Variants in PTPRN2 observed in about 807,000 individuals in gnomAD.
The protein encoded by PTPRN2 is receptor-type tyrosine-protein phosphatase N2.
In PTPRN2, 74 loss-of-function variants were observed where a neutral mutation model predicts 118.8. The ratio of observed to expected loss-of-function variants is 0.62; its 90% CI spans 0.52 to 0.76. The LOEUF is 0.76. Among genes scored for constraint, PTPRN2 ranks in the 30% least tolerant of loss-of-function variants. The pLI, the probability that PTPRN2 is intolerant of heterozygous loss-of-function variation, is 0.00. For synonymous variants in PTPRN2, 641 were observed against 608.0 expected, an observed-to-expected ratio of 1.05 and a Z score of -0.80; for missense variants, 1,481 against 1,394.4, an observed-to-expected ratio of 1.06 and a Z score of -0.99.
chr7:158,420,000 T>C (rs1815114542), intron 2 of PTPRN2, among the ~76,000 whole-genome samples: 2 of 152,120 alleles, frequency 1.3e-5, no homozygotes, highest in Non-Finnish European at 2.9e-5. Flanking sequence ...TGAAACTCTG[T>C]CATGTTGGCC....
chr7:157,721,217 G>A (rs539078864), intron 12 of PTPRN2, among the ~76,000 whole-genome samples: 30 of 152,212 alleles, frequency 2.0e-4, no homozygotes, highest in Non-Finnish European at 3.4e-4. Flanking sequence ...CAACGGGCAC[G>A]GTGTAGGCCC....
intron 11 of PTPRN2, among the ~76,000 whole-genome samples, chr7:158,053,863 C>CGCAGAGACTCCAGAGAT (rs1809538240): frequency 9.5e-6 from 1 of 105,122 alleles, no homozygotes; most frequent in African/African-American, 4.2e-5. Flanking sequence ...ACTCCAGAGA[C>CGCAGAGACTCCAGAGAT]GCAGAGACCC....
chr7:157,798,007 C>T (rs993864339), intron 12 of PTPRN2, among the ~76,000 whole-genome samples: 2 of 152,146 alleles, frequency 1.3e-5, no homozygotes, highest in Non-Finnish European at 2.9e-5. Context: ...GCCTGTAATC[C>T]CGGCACTTTG....
At chr7:158,163,271 A>G (rs1822532360) in intron 6 of PTPRN2, among the ~76,000 whole-genome samples, 1 of 151,956 alleles carries the variant, frequency 6.6e-6, no homozygotes, top group African/African-American at 2.4e-5. Flanking sequence ...TGACGCCTGT[A>G]CGGGGTTCTC....
intron 2 of PTPRN2, among the ~76,000 whole-genome samples, chr7:158,404,202 C>T (rs996493833): frequency 6.6e-6 from 1 of 152,224 alleles, no homozygotes; most frequent in South Asian, 2.1e-4. Flanking sequence ...TTTCACTGGA[C>T]GTCACCAGAA....
intron 12 of PTPRN2, among the ~76,000 whole-genome samples, chr7:157,820,543 C>T (rs1259086843): frequency 1.3e-5 from 2 of 151,234 alleles, no homozygotes; most frequent in Admixed American, 6.6e-5. Flanking sequence ...GACCCACACA[C>T]GTGCACACAC....
intron 12 of PTPRN2, among the ~76,000 whole-genome samples, chr7:157,748,373 T>C (rs1801163615): frequency 1.3e-5 from 2 of 150,154 alleles, no homozygotes; most frequent in South Asian, 4.3e-4. Context: ...AGCTGTGAGC[T>C]GCCTGGGTGA....
intron 1 of PTPRN2, among the ~76,000 whole-genome samples, chr7:158,510,520 TTA>T (rs1823104689): frequency 6.6e-6 from 1 of 152,190 alleles, no homozygotes; most frequent in Non-Finnish European, 1.5e-5. Context: ...TCTTCAGTTT[TTA>T]TCTTTTCCAA....
intron 12 of PTPRN2, among the ~76,000 whole-genome samples, chr7:157,775,872 G>A (rs892511236): frequency 2.0e-5 from 3 of 152,096 alleles, no homozygotes; most frequent in African/African-American, 7.2e-5. Flanking sequence ...AGCCGTTTCT[G>A]TTCATGACCT....
intron 12 of PTPRN2, chr7:157,856,222 A>T (rs1443014242): frequency 6.6e-6 from 1 of 152,256 alleles, no homozygotes; most frequent in Non-Finnish European, 1.5e-5. Context: ...TGGGTTAGAA[A>T]ATGTCATTTC....
At chr7:157,730,333 T>C (rs1484813898) in intron 12 of PTPRN2, among the ~76,000 whole-genome samples, 2 of 152,332 alleles carry the variant, frequency 1.3e-5, no homozygotes, top group East Asian at 3.9e-4. Context: ...TTTTTTGAAA[T>C]GTGGCTACTG....
intron 5 of PTPRN2, among the ~76,000 whole-genome samples, chr7:158,173,457 G>A (rs1823899734): frequency 6.6e-6 from 1 of 152,170 alleles, no homozygotes; most frequent in South Asian, 2.1e-4. Flanking sequence ...GTACAAATAG[G>A]GAGTAGGTCA....
chr7:158,269,390 C>G (rs1043344343), intron 3 of PTPRN2, among the ~76,000 whole-genome samples: 1 of 152,232 alleles, frequency 6.6e-6, no homozygotes, highest in African/African-American at 2.4e-5. Context: ...TCTGCTTTGA[C>G]CTTTGCTGCC....
At chr7:157,973,484 A>T (rs1245282362) in intron 11 of PTPRN2, among the ~76,000 whole-genome samples, 1 of 152,232 alleles carries the variant, frequency 6.6e-6, no homozygotes, top group South Asian at 2.1e-4. Flanking sequence ...ATATTTATAT[A>T]CACCATTTAA....
chr7:158,327,128 C>T (rs1163527314), intron 2 of PTPRN2, among the ~76,000 whole-genome samples: 4 of 84,176 alleles, frequency 4.8e-5, no homozygotes, highest in African/African-American at 1.3e-4. Context: ...CAAGCACACA[C>T]ATACACACTC....
intron 2 of PTPRN2, among the ~76,000 whole-genome samples, chr7:158,337,476 A>G (rs558600706): frequency 2.4e-3 from 353 of 148,476 alleles, no homozygotes; most frequent in African/African-American, 8.7e-3. Context: ...CTCTCACCAT[A>G]AGAGGTGACA....
intron 2 of PTPRN2, among the ~76,000 whole-genome samples, chr7:158,387,577 A>ACTCTCTGGGTCCTGGGGGGACTGG (rs1586542379): frequency 1.3e-5 from 2 of 151,182 alleles, no homozygotes; most frequent in Non-Finnish European, 3.0e-5. Context: ...CTGTCAGCTC[A>ACTCTCTGGGTCCTGGGGGGACTGG]GCTTGGCCCG....
intron 11 of PTPRN2, among the ~76,000 whole-genome samples, chr7:157,945,562 C>T (rs1274504808): frequency 1.3e-5 from 2 of 152,146 alleles, no homozygotes; most frequent in Admixed American, 6.5e-5. Context: ...GCGCCTCCAA[C>T]TCGAACAATG....
chr7:157,566,762 C>T (rs901292746), intron 21 of PTPRN2, among the ~76,000 whole-genome samples: 4 of 152,234 alleles, frequency 2.6e-5, no homozygotes, highest in Non-Finnish European at 5.9e-5. Context: ...CCCCCCGTAC[C>T]GGGGTCTCGA....
Sources: gnomAD v4.1 joint callset for allele counts (sites outside exome capture counted in the v4.1 genomes callset) on GRCh38, gnomAD v4.1.1 for gene constraint, MANE v1.5 for transcripts, NCBI Gene and HGNC (gene_info 2026-07-23, HGNC 2026-07-21) for gene names.